BBS9: variants seen among roughly 807,000 people sequenced by gnomAD.
BBS9 encodes protein PTHB1.
A neutral mutation model predicts 117.7 loss-of-function variants in BBS9; 89 were observed. That is an observed-to-expected ratio of 0.76 (90% confidence interval 0.64 to 0.90). The LOEUF is 0.90. Ranked by LOEUF, BBS9 falls within the 40% of genes least tolerant of loss-of-function variation. The pLI, the probability that BBS9 is intolerant of heterozygous loss-of-function variation, is 0.00. For synonymous variants in BBS9, 379 were observed against 370.9 expected, an observed-to-expected ratio of 1.02 and a Z score of -0.25; for missense variants, 982 against 1,042.2, an observed-to-expected ratio of 0.94 and a Z score of 0.80.
chr7:33,176,178 A>T (rs945852489), intron 4 of BBS9, among the ~76,000 whole-genome samples: 5 of 152,124 alleles, frequency 3.3e-5, no homozygotes, highest in African/African-American at 1.2e-4. Context: ...CTTTTGCTCA[A>T]AATAATCCAT....
chr7:33,605,099 C>G, intron 22 of BBS9, 96 bp from the exon 23 acceptor site: 1 of 1,469,268 alleles, frequency 6.8e-7, no homozygotes, highest in Non-Finnish European at 9.5e-7. Flanking sequence ...TCATTCTTCC[C>G]CTTAGCACTG....
intron 9 of BBS9, among the ~76,000 whole-genome samples, chr7:33,315,969 G>T (rs1810417183): frequency 6.6e-6 from 1 of 151,978 alleles, no homozygotes; most frequent in African/African-American, 2.4e-5. Context: ...TTTTTGTAAG[G>T]TAAAATTTAC....
At chr7:33,220,500 G>T (rs977915722) in intron 5 of BBS9, among the ~76,000 whole-genome samples, 2 of 152,208 alleles carry the variant, frequency 1.3e-5, no homozygotes, top group Admixed American at 6.5e-5. Flanking sequence ...CACCATTGTG[G>T]TGATTGCTAT....
chr7:33,616,302 A>G (rs1430552403), intron 21 of BBS9, among the ~76,000 whole-genome samples: 2 of 150,928 alleles, frequency 1.3e-5, no homozygotes, highest in African/African-American at 4.9e-5. Context: ...CAACAATGAT[A>G]CAAGAGATGG....
chr7:33,577,038 C>G (rs1294655181), intron 21 of BBS9, among the ~76,000 whole-genome samples: 43 of 152,070 alleles, frequency 2.8e-4, no homozygotes. Context: ...GCAACAAAAG[C>G]CAAAATAGAC....
intron 19 of BBS9, among the ~76,000 whole-genome samples, chr7:33,500,581 G>A (rs985262565): frequency 6.6e-6 from 1 of 152,210 alleles, no homozygotes; most frequent in Non-Finnish European, 1.5e-5. Flanking sequence ...TGACAGCCTT[G>A]CACACAGTGC....
At chr7:33,556,416 A>G (rs1855302296) in intron 21 of BBS9, among the ~76,000 whole-genome samples, 1 of 152,192 alleles carries the variant, frequency 6.6e-6, no homozygotes, top group Non-Finnish European at 1.5e-5. Flanking sequence ...TACATTACAA[A>G]ACATCATCTA....
intron 21 of BBS9, among the ~76,000 whole-genome samples, chr7:33,634,738 G>A (rs1170298626): frequency 1.3e-5 from 2 of 152,218 alleles, no homozygotes; most frequent in Non-Finnish European, 2.9e-5. Context: ...TAAGCATGCA[G>A]TGTGTATGTG....
chr7:33,425,940 A>G (rs147227869), intron 19 of BBS9, among the ~76,000 whole-genome samples: 2 of 152,336 alleles, frequency 1.3e-5, no homozygotes, highest in South Asian at 2.1e-4. Context: ...TTCTAAACAA[A>G]TGTGGATCTA....
At chr7:33,221,544 CT>C (rs1790247089) in intron 5 of BBS9, among the ~76,000 whole-genome samples, 1 of 152,016 alleles carries the variant, frequency 6.6e-6, no homozygotes, top group Non-Finnish European at 1.5e-5. Context: ...AGGTTATGTC[CT>C]TGATTAGAAC....
At chr7:33,220,799 GTAA>G (rs2128238778) in intron 5 of BBS9, among the ~76,000 whole-genome samples, 1 of 152,276 alleles carries the variant, frequency 6.6e-6, no homozygotes, top group East Asian at 1.9e-4. Flanking sequence ...TTTACATGGA[GTAA>G]TAATAACAAA....
intron 21 of BBS9, among the ~76,000 whole-genome samples, chr7:33,580,336 G>A (rs893442463): frequency 2.0e-5 from 3 of 151,562 alleles, no homozygotes; most frequent in African/African-American, 4.8e-5. Context: ...AGTTAATCAC[G>A]AGGCATTGTT....
intron 19 of BBS9, among the ~76,000 whole-genome samples, chr7:33,455,859 A>C (rs184080174): frequency 6.6e-6 from 1 of 152,304 alleles, no homozygotes; most frequent in East Asian, 1.9e-4. Flanking sequence ...ATTTGGCCCA[A>C]CATATTGTTA....
chr7:33,570,207 T>C (rs1052782828), intron 21 of BBS9, among the ~76,000 whole-genome samples: 1 of 152,056 alleles, frequency 6.6e-6, no homozygotes, highest in African/African-American at 2.4e-5. Flanking sequence ...CTTGGAGAAG[T>C]GGTTGATTCC....
intron 9 of BBS9, among the ~76,000 whole-genome samples, chr7:33,319,051 T>C (rs1282341085): frequency 6.6e-6 from 1 of 151,734 alleles, no homozygotes; most frequent in Non-Finnish European, 1.5e-5. Flanking sequence ...TAATCCCAGC[T>C]ACTTGGGAGG....
chr7:33,503,085 A>G (rs1845663340), intron 19 of BBS9, among the ~76,000 whole-genome samples: 1 of 152,234 alleles, frequency 6.6e-6, no homozygotes, highest in South Asian at 2.1e-4. Flanking sequence ...ATTCAGTTTT[A>G]AATGCAAGTA....
chr7:33,480,717 T>C (rs1842414874), intron 19 of BBS9, among the ~76,000 whole-genome samples: 1 of 152,226 alleles, frequency 6.6e-6, no homozygotes, highest in South Asian at 2.1e-4. Context: ...TTCATAGATG[T>C]ATAGCAATAT....
At chr7:33,614,205 T>G (rs1865021987) in intron 21 of BBS9, among the ~76,000 whole-genome samples, 1 of 152,040 alleles carries the variant, frequency 6.6e-6, no homozygotes, top group South Asian at 2.1e-4. Context: ...AAATACAGTT[T>G]TAAATTGACT....
chr7:33,164,909 G>A (rs1180626356), intron 4 of BBS9, among the ~76,000 whole-genome samples: 2 of 152,150 alleles, frequency 1.3e-5, no homozygotes, highest in African/African-American at 4.8e-5. Context: ...GGTTGATGCA[G>A]TTTCTTCCTA....
Sources: allele counts gnomAD v4.1 joint callset (sites outside exome capture counted in the v4.1 genomes callset), GRCh38; gene constraint gnomAD v4.1.1; transcripts MANE v1.5; gene names NCBI Gene and HGNC (gene_info 2026-07-23, HGNC 2026-07-21).